MAST4: variants seen among roughly 807,000 people sequenced by gnomAD.
MAST4 encodes the protein microtubule associated serine/threonine kinase family member 4.
A neutral mutation model predicts 162.7 loss-of-function variants in MAST4; 89 were observed. The observed-to-expected ratio is 0.55, with a 90% CI of 0.46 to 0.65. MAST4 has a LOEUF of 0.65. Ranked by LOEUF, MAST4 falls within the 30% of genes least tolerant of loss-of-function variation. MAST4 has a pLI of 0.00. For synonymous variants in MAST4, 1,479 were observed against 1,361.1 expected (o/e 1.09, Z -1.91); for missense variants, 3,153 against 3,374.0 (o/e 0.93, Z 1.62).
At chr5:66,986,324 C>G (rs1182163066) in intron 4 of MAST4, 14 of 607,796 alleles carry the variant, frequency 2.3e-5, no homozygotes, top group South Asian at 9.3e-5. Context: ...CGGGACTTGA[C>G]TTTTATAGAA....
chr5:66,767,191 G>A (rs1214837023), intron 2 of MAST4, among the ~76,000 whole-genome samples: 2 of 150,952 alleles, frequency 1.3e-5, no homozygotes, highest in African/African-American at 2.4e-5. Context: ...GTGTGTGTGT[G>A]TGTGTGTGTG....
chr5:67,072,836 T>A (rs1414946560), intron 5 of MAST4, among the ~76,000 whole-genome samples: 1 of 152,096 alleles, frequency 6.6e-6, no homozygotes, highest in Non-Finnish European at 1.5e-5. Context: ...ATATCATGCT[T>A]TGAAATAACC....
At chr5:67,114,243 C>G in intron 12 of MAST4, 24 bp downstream of exon 12, 1 of 1,599,586 alleles carries the variant, frequency 6.3e-7, no homozygotes, top group Non-Finnish European at 8.5e-7. Flanking sequence ...TTGTTCCTAC[C>G]TTTGACTTTG....
In MAST4 at chr5:66,853,244, G is replaced by A. The variant is rs117285164; in HGVS notation, c.643-46707G>A. Among the ~76,000 whole-genome samples the A allele has an allele frequency of 1.7e-3, 253 of 152,300 alleles. 10 individuals are homozygous for A. The East Asian group carries it at 0.045, about 27-fold the overall frequency. On this transcript the variant is annotated intron_variant, in intron 3 of 28. Coordinates refer to ENST00000403625, the MANE Select transcript of MAST4 (RefSeq NM_001164664.2). ...ACCAGTGTGATAATTTAATCTACCC[G>A]GAGTAAGTGTAACTGGTCTAGTCAT...
chr5:67,090,696 C>T (rs1422097819), intron 6 of MAST4, among the ~76,000 whole-genome samples: 3 of 151,028 alleles, frequency 2.0e-5, no homozygotes, highest in South Asian at 2.1e-4. Flanking sequence ...GGGCACCAGC[C>T]GTCAAAGATA....
chr5:66,716,324 A>G (rs1188974214), intron 1 of MAST4, among the ~76,000 whole-genome samples: 13 of 152,020 alleles, frequency 8.6e-5, no homozygotes, highest in East Asian at 3.9e-4. Context: ...TTTAGATTTG[A>G]TCTCTCTCTC....
At chr5:67,004,790 A>G (rs560748939) in intron 4 of MAST4, 1 of 539,854 alleles carries the variant, frequency 1.9e-6, no homozygotes, top group Non-Finnish European at 3.3e-6. Context: ...TGTGTTAATT[A>G]AAGGCTAGGA....
intron 4 of MAST4, among the ~76,000 whole-genome samples, chr5:67,017,629 ACT>A (rs1434126290): frequency 2.1e-5 from 3 of 140,382 alleles, no homozygotes; most frequent in Non-Finnish European, 4.6e-5. Context: ...TTTGAGACAG[ACT>A]CTCACCCTGT....
chr5:67,047,045 A>G (rs778065018), intron 4 of MAST4, among the ~76,000 whole-genome samples: 28 of 152,224 alleles, frequency 1.8e-4, no homozygotes, highest in Non-Finnish European at 3.7e-4. Flanking sequence ...TTGAGGCTGT[A>G]CAAAAGAGCA....
chr5:66,955,394 G>A (rs557249099), intron 4 of MAST4, among the ~76,000 whole-genome samples: 2 of 152,150 alleles, frequency 1.3e-5, no homozygotes, highest in East Asian at 3.9e-4. Flanking sequence ...TATGTGAAGG[G>A]TAGTGAGGAG....
intron 4 of MAST4, among the ~76,000 whole-genome samples, chr5:66,935,892 T>C (rs767452991): frequency 2.5e-4 from 38 of 152,138 alleles, no homozygotes; most frequent in Non-Finnish European, 2.9e-4. Flanking sequence ...GGTCTCAAAC[T>C]CCTGACCTCA....
Position 66,950,222 on chromosome 5 carries a change from C to T in MAST4, c.674+50240C>T, listed in dbSNP as rs139372969. 2.6e-3 allele frequency among the ~76,000 whole-genome samples: 342 copies of T among 131,746 alleles called. 3 individuals are homozygous for T. Among genetic ancestry groups the T allele is most frequent in the African/African-American group, 0.014 (329 of 23,396 alleles). 86.4% of individuals were successfully genotyped at this position (131,746 alleles called of 152,430 possible). On this transcript the variant is annotated intron_variant, in intron 4 of 28. Coordinates refer to ENST00000403625, the MANE Select transcript of MAST4 (RefSeq NM_001164664.2). ...GTCATAGGGTAAGTAAACTAGTATACTTTTTTTTTCTTTTTTTTTCTTTTT... is the reference window on the plus strand; with the variant it reads ...GTCATAGGGTAAGTAAACTAGTATATTTTTTTTTTCTTTTTTTTTCTTTTT...
intron 3 of MAST4, among the ~76,000 whole-genome samples, chr5:66,808,338 G>A (rs1033834258): frequency 1.3e-5 from 2 of 152,164 alleles, no homozygotes; most frequent in African/African-American, 4.8e-5. Flanking sequence ...GTGCAGGCTG[G>A]GCAGCCCCTC....
intron 3 of MAST4, among the ~76,000 whole-genome samples, chr5:66,841,234 C>T (rs1424243733): frequency 2.6e-5 from 4 of 152,144 alleles, no homozygotes; most frequent in African/African-American, 9.6e-5. Context: ...GCTGAGCCTC[C>T]TCTTCTCCTT....
rs978173350 is a variant in MAST4, at chr5:66,681,213, C to G, written c.364-78496C>G. On this transcript the variant is annotated intron_variant, in intron 1 of 28. Coordinates refer to ENST00000403625, the MANE Select transcript of MAST4 (RefSeq NM_001164664.2). ...CAGTGTTTCAGAGCTAGAAGAGATC[C>G]TTAGCATTTCCATTCTCCTTATTTA... Among the ~76,000 whole-genome samples, 4 of 152,202 alleles carry G rather than the reference C, an allele frequency of 2.6e-5. 1 individual carries two copies. Among genetic ancestry groups the G allele is most frequent in the African/African-American group, 7.2e-5 (3 of 41,456 alleles).
chr5:66,979,159 C>G (rs754170643), intron 4 of MAST4, among the ~76,000 whole-genome samples: 1 of 152,054 alleles, frequency 6.6e-6, no homozygotes, highest in Admixed American at 6.5e-5. Context: ...TTAGTAATAT[C>G]GAACCTAAAA....
intron 21 of MAST4, among the ~76,000 whole-genome samples, chr5:67,143,609 C>T (rs78628819): frequency 2.0e-5 from 3 of 152,150 alleles, no homozygotes; most frequent in East Asian, 3.9e-4. Flanking sequence ...TAAAGTGCTC[C>T]GTAGCTTTTT....
chr5:66,685,810 GCAGTGGTCCC>G (rs1441758071), intron 1 of MAST4, among the ~76,000 whole-genome samples: 1 of 152,154 alleles, frequency 6.6e-6, no homozygotes, highest in South Asian at 2.1e-4. Context: ...GCACTTTAGA[GCAGTGGTCCC>G]CAGTCTTTTT....
chr5:66,988,908 A>G (rs550635810), intron 4 of MAST4, among the ~76,000 whole-genome samples: 1 of 152,352 alleles, frequency 6.6e-6, no homozygotes, highest in East Asian at 1.9e-4. Context: ...ATTGTGGCTT[A>G]CAGCTTTATT....
Sources: allele counts gnomAD v4.1 joint callset (sites outside exome capture counted in the v4.1 genomes callset), GRCh38; gene constraint gnomAD v4.1.1; transcripts MANE v1.5; gene names NCBI Gene and HGNC (gene_info 2026-07-23, HGNC 2026-07-21).